NXPH1: variants seen among roughly 807,000 people sequenced by gnomAD.
NXPH1 encodes neurexophilin 1, also known as neurexophilin-1.
NXPH1 carries 5 observed loss-of-function variants against 23.7 expected under a neutral mutation model. The ratio of observed to expected loss-of-function variants is 0.21; its 90% CI spans 0.11 to 0.44. NXPH1 has a LOEUF of 0.44. Among genes scored for constraint, NXPH1 ranks in the 20% least tolerant of loss-of-function variants. NXPH1 has a pLI of 0.99. For synonymous variants in NXPH1, 144 were observed against 122.2 expected (o/e 1.18, Z -1.18); for missense variants, 324 against 321.6 (o/e 1.01, Z -0.06).
rs34744233 is a variant in NXPH1 at position 8,524,241 on chromosome 7, C to CAAAA, written c.54+88494_54+88497dup. On this transcript the variant is annotated intron_variant, in intron 2 of 2. Transcript: ENST00000405863. ...TGGGTGACAGAGTGAGACTCTGTCT[C>CAAAA]AAAAAAAAAAAAAAAAAAAAAAAGG... 1.0e-3 allele frequency among the ~76,000 whole-genome samples: 77 copies of CAAAA among 73,624 alleles called. 1 individual carries two copies. Among genetic ancestry groups the CAAAA allele is most frequent in the South Asian group, 3.3e-3 (6 of 1,802 alleles). The allele number at this position is 73,624 out of a possible 152,430, so 48.3% of individuals were successfully genotyped here.
chr7:8,723,877 T>C (rs1014210951), intron 2 of NXPH1, among the ~76,000 whole-genome samples: 1 of 152,172 alleles, frequency 6.6e-6, no homozygotes, highest in Non-Finnish European at 1.5e-5. Flanking sequence ...TGAAAAAGTC[T>C]GATGTGCAAA....
chr7:8,515,073 A>AT (rs1817667123), intron 2 of NXPH1, among the ~76,000 whole-genome samples: 1 of 152,164 alleles, frequency 6.6e-6, no homozygotes, highest in African/African-American at 2.4e-5. Flanking sequence ...GAGTGCACAC[A>AT]TGCAAGAGAT....
At chr7:8,654,122 C>A (rs1476536827) in intron 2 of NXPH1, among the ~76,000 whole-genome samples, 4 of 152,078 alleles carry the variant, frequency 2.6e-5, no homozygotes, top group South Asian at 4.2e-4. Context: ...TTTTGAAAAA[C>A]TCTTCATTGC....
chr7:8,620,962 A>G (rs1819855115), intron 2 of NXPH1, among the ~76,000 whole-genome samples: 1 of 151,510 alleles, frequency 6.6e-6, no homozygotes, highest in South Asian at 2.1e-4. Flanking sequence ...CTTTCACACA[A>G]TCTAAAGGTG....
intron 2 of NXPH1, among the ~76,000 whole-genome samples, chr7:8,448,846 AT>A (rs1413128613): frequency 1.4e-5 from 2 of 147,996 alleles, no homozygotes; most frequent in Non-Finnish European, 3.0e-5. Context: ...AAAAAAGGAC[AT>A]TTCTACAGCA....
chr7:8,636,938 C>T (rs1285312797), intron 2 of NXPH1, among the ~76,000 whole-genome samples: 1 of 152,162 alleles, frequency 6.6e-6, no homozygotes, highest in Non-Finnish European at 1.5e-5. Flanking sequence ...GCTTGGTCTT[C>T]CAGTTCTAGA....
At chr7:8,631,636 T>C (rs1040927913) in intron 2 of NXPH1, among the ~76,000 whole-genome samples, 1 of 152,204 alleles carries the variant, frequency 6.6e-6, no homozygotes, top group Non-Finnish European at 1.5e-5. Flanking sequence ...TGATTTGTTT[T>C]ATTCTTAGTA....
chr7:8,727,086 G>C (rs1780069120), intron 2 of NXPH1, among the ~76,000 whole-genome samples: 1 of 148,374 alleles, frequency 6.7e-6, no homozygotes, highest in Non-Finnish European at 1.5e-5. Flanking sequence ...CTGATGGCCA[G>C]TGATGGTGAG....
At chr7:8,616,651 G>A (rs1020254796) in intron 2 of NXPH1, among the ~76,000 whole-genome samples, 1 of 151,996 alleles carries the variant, frequency 6.6e-6, no homozygotes, top group African/African-American at 2.4e-5. Flanking sequence ...GCAGGTAGAA[G>A]CATGGCAGCC....
intron 2 of NXPH1, among the ~76,000 whole-genome samples, chr7:8,575,061 T>C (rs560279816): frequency 9.2e-5 from 14 of 152,296 alleles, no homozygotes; most frequent in Non-Finnish European, 1.8e-4. Context: ...TTTTATATTA[T>C]GTTTGACTCT....
chr7:8,619,666 A>C (rs1819822976), intron 2 of NXPH1, among the ~76,000 whole-genome samples: 1 of 152,192 alleles, frequency 6.6e-6, no homozygotes. Context: ...AGTATTACAG[A>C]TATCATGTCT....
At chr7:8,524,688 C>T (rs985798417) in intron 2 of NXPH1, among the ~76,000 whole-genome samples, 2 of 152,148 alleles carry the variant, frequency 1.3e-5, no homozygotes, top group African/African-American at 2.4e-5. Context: ...GGGGGCCGAT[C>T]TTTCCCATGC....
intron 2 of NXPH1, among the ~76,000 whole-genome samples, chr7:8,627,522 G>C (rs1432527103): frequency 1.3e-5 from 2 of 152,098 alleles, no homozygotes; most frequent in African/African-American, 4.8e-5. Flanking sequence ...GGATCGCAGG[G>C]GGAGAAAGGC....
chr7:8,475,387 A>G (rs975862078), intron 2 of NXPH1, among the ~76,000 whole-genome samples: 2 of 152,126 alleles, frequency 1.3e-5, no homozygotes, highest in Non-Finnish European at 2.9e-5. Context: ...CCTAAAATCA[A>G]TGGATAATTT....
chr7:8,724,960 G>A (rs1038880406), intron 2 of NXPH1, among the ~76,000 whole-genome samples: 1 of 152,242 alleles, frequency 6.6e-6, no homozygotes, highest in Non-Finnish European at 1.5e-5. Context: ...CTTGTGGACA[G>A]CAGCAGCATC....
At chr7:8,686,379 T>TA (rs1425496822) in intron 2 of NXPH1, among the ~76,000 whole-genome samples, 1 of 152,184 alleles carries the variant, frequency 6.6e-6, no homozygotes, top group East Asian at 1.9e-4. Flanking sequence ...ATTAGATTTG[T>TA]ACTCTTCAAA....
At chr7:8,515,103 G>T (rs1349473072) in intron 2 of NXPH1, among the ~76,000 whole-genome samples, 4 of 152,110 alleles carry the variant, frequency 2.6e-5, no homozygotes, top group Non-Finnish European at 5.9e-5. Context: ...AAGAAAGAGA[G>T]ATTATAGTTT....
chr7:8,516,022 C>G (rs1484180073), intron 2 of NXPH1, among the ~76,000 whole-genome samples: 1 of 152,122 alleles, frequency 6.6e-6, no homozygotes, highest in Non-Finnish European at 1.5e-5. Context: ...ATATATTTTT[C>G]TGCCACCAAA....
chr7:8,746,412 C>T (rs955464659), intron 2 of NXPH1, among the ~76,000 whole-genome samples: 2 of 152,210 alleles, frequency 1.3e-5, no homozygotes, highest in African/African-American at 2.4e-5. Context: ...GTCAGCACCA[C>T]TTGAAGCCTT....
Sources: allele counts gnomAD v4.1 joint callset (sites outside exome capture counted in the v4.1 genomes callset), GRCh38; gene constraint gnomAD v4.1.1; transcripts MANE v1.5; gene names NCBI Gene and HGNC (gene_info 2026-07-23, HGNC 2026-07-21).